The following QSOX2 variants were observed in gnomAD, a reference collection of about 807,000 sequenced individuals.
QSOX2 encodes sulfhydryl oxidase 2.
Under a neutral mutation model 61.7 loss-of-function variants are expected in QSOX2, and 46 were observed. The ratio of observed to expected loss-of-function variants is 0.75; its 90% CI spans 0.59 to 0.95. QSOX2 has a LOEUF of 0.95. QSOX2 is among the 40% of genes least tolerant of loss of function. QSOX2 has a pLI of 0.00. For missense variants in QSOX2, 879 were observed against 918.9 expected (o/e 0.96, Z 0.56); for synonymous variants, 383 against 388.4 (o/e 0.99, Z 0.16).
chr9:136,236,441 G>GA (rs1218058785), intron 1 of QSOX2, among the ~76,000 whole-genome samples: 4 of 152,222 alleles, frequency 2.6e-5, no homozygotes, highest in Admixed American at 1.3e-4. Flanking sequence ...AAAGGAGACA[G>GA]AAAAAACCCA....
At chr9:136,210,808 G>GA in intron 11 of QSOX2, 1 of 985,026 alleles carries the variant, frequency 1.0e-6, no homozygotes, top group African/African-American at 1.7e-5. Flanking sequence ...TTAACTCTGA[G>GA]AAAATACATG....
chr9:136,213,243 GTTTTTTTT>G (rs398046934), intron 10 of QSOX2, among the ~76,000 whole-genome samples: 27 of 111,046 alleles, frequency 2.4e-4, no homozygotes, highest in African/African-American at 8.9e-4. Flanking sequence ...GTTTTGTTGT[GTTTTTTTT>G]TTTTTTTTTT....
At position 136,221,668 on chromosome 9, in the gene QSOX2, G is replaced by A. The variant is rs148923945; in HGVS notation, c.821+128C>T. The A allele has an allele frequency of 4.7e-4, 466 of 1,001,656 alleles. 1 individual carries two copies. The African/African-American group carries it at 6.9e-3, about 15-fold the overall frequency. The allele number at this position is 1,001,656 out of a possible 1,614,324, so 62.0% of individuals were successfully genotyped here. A position where few individuals can be genotyped will look rare whatever the true frequency, so the allele number is the denominator to read the frequency against. On this transcript the variant is annotated intron_variant, in intron 6 of 11. Coordinates refer to ENST00000358701, the MANE Select transcript of QSOX2 (RefSeq NM_181701.4). This position sits in a 1 kb window ranked among gnomAD's most constrained non-coding sequence, Gnocchi z 4.5. ...GGGCTGAGAGCCAGGGCCCAAATCT[G>A]CCCAGGGAAGCGAGGCGGAGGGGCC...
Position 136,224,921 on chromosome 9 carries a change from AAC to A in QSOX2, c.430-14_430-13del. The A allele has an allele frequency of 6.3e-7, 1 of 1,598,630 alleles. No individual in the cohort carries two copies. Among genetic ancestry groups the A allele is most frequent in the Non-Finnish European group, 8.5e-7 (1 of 1,171,958 alleles). The stretch of plus-strand genomic sequence containing the variant: ...AATGCTTTAAAATACTAAGAGGAAA[AAC>A]ACAGAACAAGTAAGAGGCAGCCTTC... On this transcript the variant is annotated splice_polypyrimidine_tract_variant and intron_variant, in intron 2 of 11. Coordinates refer to ENST00000358701, the MANE Select transcript of QSOX2 (RefSeq NM_181701.4).
intron 6 of QSOX2, among the ~76,000 whole-genome samples, chr9:136,219,617 T>G (rs1214833177): frequency 6.6e-6 from 1 of 152,106 alleles, no homozygotes; most frequent in Admixed American, 6.5e-5. Context: ...CTGAGCTCCC[T>G]GCGTGCCCAC....
At chr9:136,227,016 C>T (rs1830288684) in intron 1 of QSOX2, 142 bp from the exon 2 acceptor site, 2 of 674,642 alleles carry the variant, frequency 3.0e-6, no homozygotes, top group Middle Eastern at 2.9e-4. Context: ...AGGCCCTCAT[C>T]ACACAGAGCG....
At chr9:136,227,695 C>T (rs986849819) in intron 1 of QSOX2, among the ~76,000 whole-genome samples, 12 of 152,218 alleles carry the variant, frequency 7.9e-5, no homozygotes, top group African/African-American at 2.4e-4. Flanking sequence ...AGGCTCTCCA[C>T]TGGGCATGGT....
rs551096519 is a variant in QSOX2, at chr9:136,208,544, G to A, written c.*184C>T. On this transcript the variant is annotated 3_prime_UTR_variant, in exon 12 of 12. Coordinates refer to ENST00000358701, the MANE Select transcript of QSOX2 (RefSeq NM_181701.4). The stretch of plus-strand genomic sequence containing the variant: ...GCAAATATCCCCACAAAATTACCCC[G>A]TGTTCTTCCCTTGTTAGAAGAGCGT... The A allele has an allele frequency of 7.2e-5, 46 of 642,922 alleles. No individual in the cohort carries two copies. The highest frequency in any genetic ancestry group is 9.1e-5 in the Non-Finnish European group (36 of 394,608). 39.8% of individuals were successfully genotyped at this position (642,922 alleles called of 1,614,324 possible).
At position 136,216,765 on chromosome 9, in the gene QSOX2, C is replaced by T. The variant is rs201724075; in HGVS notation, c.1087-43G>A. ...CACCTGAGAGCTACAGACCCAAACC[C>T]GGGCCCGCCCCCACCGCGGGGGGCA... On this transcript the variant is annotated intron_variant, in intron 8 of 11. Coordinates refer to ENST00000358701, the MANE Select transcript of QSOX2 (RefSeq NM_181701.4). 5,476 of 1,606,956 alleles carry T rather than the reference C, an allele frequency of 3.4e-3. 13 individuals are homozygous for T. Among genetic ancestry groups the T allele is most frequent in the Non-Finnish European group, 4.1e-3 (4,818 of 1,176,814 alleles).
intron 8 of QSOX2, among the ~76,000 whole-genome samples, chr9:136,218,319 C>T (rs1054362474): frequency 6.6e-6 from 1 of 152,230 alleles, no homozygotes; most frequent in Non-Finnish European, 1.5e-5. Context: ...CCCTCTCTCT[C>T]TCCCCCCAGC....
At chr9:136,210,427 G>T in intron 11 of QSOX2, 2 of 985,444 alleles carry the variant, frequency 2.0e-6, no homozygotes, top group Non-Finnish European at 2.4e-6. Context: ...GGTCCAGGCA[G>T]GCCTGGCGAG....
rs542826128 is a variant in QSOX2 at position 136,224,440 on chromosome 9, C to G, written c.479-328G>C. 9.2e-5 allele frequency among the ~76,000 whole-genome samples: 14 copies of G among 152,136 alleles called. No individual in the cohort carries two copies. The East Asian group carries it at 1.4e-3, about 15-fold the overall frequency. ...TGGGTCACTCACAGGCAGAGCCCCC[C>G]CAGGGCGCGGCGAGGAGCAGGCCAG... On this transcript the variant is annotated intron_variant, in intron 3 of 11. Transcript: ENST00000358701.
chr9:136,227,658 C>G (rs1219986804), intron 1 of QSOX2, among the ~76,000 whole-genome samples: 1 of 152,202 alleles, frequency 6.6e-6, no homozygotes, highest in African/African-American at 2.4e-5. Context: ...TACACAAAAC[C>G]CACCAGGCTT....
In QSOX2 at chr9:136,222,994, G is replaced by A. The variant is rs1206759979; in HGVS notation, c.675+769C>T. 1.3e-5 allele frequency among the ~76,000 whole-genome samples: 2 copies of A among 152,232 alleles called. No homozygotes were observed. Among genetic ancestry groups the A allele is most frequent in the African/African-American group, 4.8e-5 (2 of 41,464 alleles). On this transcript the variant is annotated intron_variant, in intron 5 of 11. Coordinates refer to ENST00000358701, the MANE Select transcript of QSOX2 (RefSeq NM_181701.4). This position sits in a 1 kb window ranked among gnomAD's most constrained non-coding sequence, Gnocchi z 6.9. ...GGAGGGGGCGGTGCTGGGGTGCCAG[G>A]AGGGCAGCCAGGGCACAAAGCGAGA...
chr9:136,216,082 C>G (rs1831909274), intron 9 of QSOX2, among the ~76,000 whole-genome samples: 1 of 152,214 alleles, frequency 6.6e-6, no homozygotes, highest in Non-Finnish European at 1.5e-5. Flanking sequence ...GGGCGTCGGA[C>G]AAGCAGCACG....
At chr9:136,211,551 T>C (rs1831846445) in intron 10 of QSOX2, 99 bp from the exon 11 acceptor site, 2 of 1,236,010 alleles carry the variant, frequency 1.6e-6, no homozygotes, top group East Asian at 4.9e-5. Context: ...TCCTGACATG[T>C]CGGGAAGCCA....
At chr9:136,238,565 G>A (rs139151662) in intron 1 of QSOX2, among the ~76,000 whole-genome samples, 1,928 of 152,296 alleles carry the variant, frequency 0.013, 21 homozygotes, top group Middle Eastern at 0.031. Context: ...AGCCCGGCGG[G>A]CAGCCTCCTC....
chr9:136,237,369 C>T (rs1330634695), intron 1 of QSOX2, among the ~76,000 whole-genome samples: 2 of 139,016 alleles, frequency 1.4e-5, no homozygotes, highest in Non-Finnish European at 3.1e-5. Context: ...CTGTGCCACA[C>T]CTGGAGCCCA....
At chr9:136,237,724 TCACCTGGAGCCCGTCCTGTGCCA>T (rs1830400368) in intron 1 of QSOX2, among the ~76,000 whole-genome samples, 1 of 142,454 alleles carries the variant, frequency 7.0e-6, no homozygotes, top group Non-Finnish European at 1.5e-5. Context: ...TGGGCCGGCG[TCACCTGGAGCCCGTCCTGTGCCA>T]CACCTGGAGC....
Sources: gnomAD v4.1 joint callset for allele counts (sites outside exome capture counted in the v4.1 genomes callset) on GRCh38, gnomAD v4.1.1 for gene constraint, Gnocchi (gnomAD v3.1) non-coding constraint, MANE v1.5 for transcripts, NCBI Gene and HGNC (gene_info 2026-07-23, HGNC 2026-07-21) for gene names.